GALNTL6: variants seen among roughly 807,000 people sequenced by gnomAD.
GALNTL6 encodes polypeptide N-acetylgalactosaminyltransferase like 6.
A neutral mutation model predicts 73.7 loss-of-function variants in GALNTL6; 46 were observed. The observed-to-expected ratio is 0.62, with a 90% CI of 0.49 to 0.80. The LOEUF is 0.80. GALNTL6 is among the 30% of genes least tolerant of loss of function. GALNTL6 has a pLI of 0.00. For synonymous variants in GALNTL6, 259 were observed against 263.7 expected (o/e 0.98, Z 0.17); for missense variants, 604 against 755.0 (o/e 0.80, Z 2.34).
chr4:172,796,844 G>A (rs561297432), intron 5 of GALNTL6, among the ~76,000 whole-genome samples: 3 of 152,148 alleles, frequency 2.0e-5, no homozygotes, highest in Non-Finnish European at 4.4e-5. Context: ...ATTTAGTTCT[G>A]GTCTCATCTA....
intron 5 of GALNTL6, among the ~76,000 whole-genome samples, chr4:172,777,295 A>T (rs2110885037): frequency 6.6e-6 from 1 of 152,320 alleles, no homozygotes; most frequent in Non-Finnish European, 1.5e-5. Flanking sequence ...CATCCTGCTA[A>T]TTACTCAAAG....
intron 5 of GALNTL6, among the ~76,000 whole-genome samples, chr4:172,573,380 C>G (rs751823607): frequency 3.3e-5 from 5 of 152,018 alleles, no homozygotes; most frequent in Non-Finnish European, 7.4e-5. Context: ...GTTTGCATCC[C>G]CTATTCATCA....
chr4:172,190,767 A>G (rs1735553923), intron 2 of GALNTL6, among the ~76,000 whole-genome samples: 1 of 152,220 alleles, frequency 6.6e-6, no homozygotes, highest in Admixed American at 6.5e-5. Flanking sequence ...GCATGATCAG[A>G]TTTGCATTTT....
intron 12 of GALNTL6, among the ~76,000 whole-genome samples, chr4:173,025,153 A>T (rs546245371): frequency 6.6e-6 from 1 of 152,138 alleles, no homozygotes; most frequent in African/African-American, 2.4e-5. Context: ...AAAGGAGAAA[A>T]GCATCCTTAT....
chr4:171,874,239 G>A (rs995665188), intron 2 of GALNTL6, among the ~76,000 whole-genome samples: 1 of 152,104 alleles, frequency 6.6e-6, no homozygotes, highest in African/African-American at 2.4e-5. Context: ...AAGTCATTCT[G>A]TCATCCAGGC....
chr4:172,814,659 G>A (rs539822851), intron 7 of GALNTL6, among the ~76,000 whole-genome samples: 1 of 152,106 alleles, frequency 6.6e-6, no homozygotes, highest in East Asian at 1.9e-4. Context: ...TCAATAATAT[G>A]GGCCATAAAA....
intron 5 of GALNTL6, among the ~76,000 whole-genome samples, chr4:172,692,269 T>G (rs1393265771): frequency 6.6e-6 from 1 of 152,164 alleles, no homozygotes; most frequent in Non-Finnish European, 1.5e-5. Context: ...ACATTTTGAC[T>G]ATTTGCAGAT....
chr4:172,175,372 T>C (rs1227571194), intron 2 of GALNTL6, among the ~76,000 whole-genome samples: 6 of 152,126 alleles, frequency 3.9e-5, no homozygotes, highest in Admixed American at 3.9e-4. Flanking sequence ...GCTGTAATTA[T>C]AGGTATGAGC....
rs537270000 is a variant in GALNTL6, at chr4:172,345,637, G to A, written c.387-2886G>A. On this transcript the variant is annotated intron_variant, in intron 4 of 12. Coordinates refer to ENST00000506823, the MANE Select transcript of GALNTL6 (RefSeq NM_001034845.3). The stretch of plus-strand genomic sequence containing the variant: ...GACCAGGGTATTGATTTAAGAGACT[G>A]TTCCAAAGAGACTATACCAAATGAG... Among the ~76,000 whole-genome samples, 54 of 152,274 alleles carry A rather than the reference G, an allele frequency of 3.5e-4. 1 individual carries two copies. In the South Asian group the frequency reaches 7.5e-3, roughly 21 times the overall value.
chr4:171,897,868 A>T (rs1246738778), intron 2 of GALNTL6, among the ~76,000 whole-genome samples: 1 of 148,392 alleles, frequency 6.7e-6, no homozygotes, highest in Non-Finnish European at 1.5e-5. Flanking sequence ...CGGAGGTTGT[A>T]GTGAGCCGAG....
chr4:172,339,313 A>G (rs556836523), intron 4 of GALNTL6, among the ~76,000 whole-genome samples: 6 of 142,414 alleles, frequency 4.2e-5, no homozygotes, highest in Admixed American at 2.1e-4. Context: ...ACACACACAC[A>G]CAGAGTTTCC....
intron 8 of GALNTL6, among the ~76,000 whole-genome samples, chr4:172,902,312 G>C (rs1482185316): frequency 6.6e-6 from 1 of 152,120 alleles, no homozygotes; most frequent in Non-Finnish European, 1.5e-5. Flanking sequence ...TCAGTCCTTT[G>C]ATTGCAAAAA....
intron 5 of GALNTL6, among the ~76,000 whole-genome samples, chr4:172,546,382 A>G (rs546862524): frequency 6.3e-4 from 96 of 152,186 alleles, no homozygotes; most frequent in African/African-American, 1.8e-3. Context: ...AATGTTGACT[A>G]TTCCCATGAT....
intron 5 of GALNTL6, among the ~76,000 whole-genome samples, chr4:172,494,174 G>C (rs778542249): frequency 2.0e-5 from 3 of 152,122 alleles, no homozygotes; most frequent in Non-Finnish European, 4.4e-5. Context: ...TGTATTCACT[G>C]CCTTATTTTT....
chr4:172,271,857 A>G (rs1738667116), intron 3 of GALNTL6, among the ~76,000 whole-genome samples: 1 of 152,026 alleles, frequency 6.6e-6, no homozygotes, highest in South Asian at 2.1e-4. Flanking sequence ...TGCATTAATT[A>G]TTTATGATCC....
At chr4:173,008,486 C>T (rs1752394634) in intron 10 of GALNTL6, among the ~76,000 whole-genome samples, 1 of 152,182 alleles carries the variant, frequency 6.6e-6, no homozygotes. Context: ...CATAATAGGC[C>T]TGTTGCCTGA....
chr4:172,579,088 T>C (rs1156587903), intron 5 of GALNTL6, among the ~76,000 whole-genome samples: 1 of 152,200 alleles, frequency 6.6e-6, no homozygotes, highest in Non-Finnish European at 1.5e-5. Context: ...GATTAGGAAA[T>C]ATAAGTTTTC....
chr4:172,045,632 G>A (rs1274540397), intron 2 of GALNTL6, among the ~76,000 whole-genome samples: 3 of 151,640 alleles, frequency 2.0e-5, no homozygotes, highest in African/African-American at 4.8e-5. Flanking sequence ...TCCTTTTTAG[G>A]CATGTGAACT....
At chr4:172,359,733 C>A (rs1021625075) in intron 5 of GALNTL6, among the ~76,000 whole-genome samples, 2 of 152,150 alleles carry the variant, frequency 1.3e-5, no homozygotes, top group Admixed American at 1.3e-4. Flanking sequence ...TAGCTTTCTC[C>A]TGTAAAAAAC....
Sources: allele counts gnomAD v4.1 joint callset (sites outside exome capture counted in the v4.1 genomes callset), GRCh38; gene constraint gnomAD v4.1.1; transcripts MANE v1.5; gene names NCBI Gene and HGNC (gene_info 2026-07-23, HGNC 2026-07-21).